VWA8: variants seen among roughly 807,000 people sequenced by gnomAD.
VWA8 encodes the protein von Willebrand factor A domain containing 8.
Under a neutral mutation model 241.5 loss-of-function variants are expected in VWA8, and 221 were observed. The observed-to-expected ratio is 0.91, with a 90% CI of 0.82 to 1.02. The LOEUF is 1.02. Ranked by LOEUF, VWA8 falls within the 50% of genes least tolerant of loss-of-function variation. The pLI, the probability that VWA8 is intolerant of heterozygous loss-of-function variation, is 0.00. For missense variants in VWA8, 2,322 were observed against 2,328.7 expected, an observed-to-expected ratio of 1.00 and a Z score of 0.06; for synonymous variants, 852 against 827.1, an observed-to-expected ratio of 1.03 and a Z score of -0.52.
chr13:41,641,463 C>A (rs2044794536), intron 37 of VWA8, among the ~76,000 whole-genome samples: 1 of 152,178 alleles, frequency 6.6e-6, no homozygotes, highest in East Asian at 1.9e-4. Flanking sequence ...ACTTTGAAAT[C>A]TCTTCAGAAA....
chr13:41,567,334 G>C lies in VWA8; in HGVS notation c.*863C>G, dbSNP rs1325046110. ...ATTTTACTTTTTTTACTTTGCTTTAGGTAATTTTTATATGAATATTCTCAA... is the reference window on the plus strand; with the variant it reads ...ATTTTACTTTTTTTACTTTGCTTTACGTAATTTTTATATGAATATTCTCAA... On this transcript the variant is annotated 3_prime_UTR_variant, in exon 45 of 45. Transcript: ENST00000379310. 1 of 152,004 alleles carries C rather than the reference G, an allele frequency of 6.6e-6. No homozygotes were observed. The highest frequency in any genetic ancestry group is 1.5e-5 in the Non-Finnish European group (1 of 67,990). 9.4% of individuals were successfully genotyped at this position (152,004 alleles called of 1,614,324 possible).
chr13:41,865,819 A>G lies in VWA8; in HGVS notation c.1348-6T>C, dbSNP rs1026285687. ...ATCACTGTTTTTCCACAACCCTACA[A>G]ATGGAAAAAATTATTCAAGAGGTAA... is the stretch of plus-strand genomic sequence containing the variant. On this transcript the variant is annotated splice_region_variant and splice_polypyrimidine_tract_variant and intron_variant, in intron 11 of 44. Coordinates refer to ENST00000379310, the MANE Select transcript of VWA8 (RefSeq NM_015058.2). The G allele has an allele frequency of 3.7e-6, 6 of 1,614,014 alleles. No homozygotes were observed. The African/African-American group carries it at 8.0e-5, about 22-fold the overall frequency.
At chr13:41,637,562 A>AT (rs1489184790) in intron 37 of VWA8, among the ~76,000 whole-genome samples, 1 of 151,896 alleles carries the variant, frequency 6.6e-6, no homozygotes, top group Non-Finnish European at 1.5e-5. Flanking sequence ...TTAAAGTATA[A>AT]TAAAAAAAAG....
In VWA8 at chr13:41,571,297, TCTCCCTCTCCCTC is replaced by T. The variant is rs1202432630; in HGVS notation, c.5371-604_5371-592del. Among the ~76,000 whole-genome samples, 350 of 140,238 alleles carry T rather than the reference TCTCCCTCTCCCTC, an allele frequency of 2.5e-3. 2 individuals are homozygous for T. The highest frequency in any genetic ancestry group is 4.4e-3 in the Non-Finnish European group (283 of 64,724). 92.0% of individuals were successfully genotyped at this position (140,238 alleles called of 152,430 possible). A position where few individuals can be genotyped will look rare whatever the true frequency, so the allele number is the denominator to read the frequency against. Reference sequence around the variant, plus strand: ...GTCCCTCTCCCGTCTCCCTCTCCCGTCTCCCTCTCCCTCCTCCCTCTCCCTCTCCCGTCTCCCT... The same window carrying T: ...GTCCCTCTCCCGTCTCCCTCTCCCGTCTCCCTCTCCCTCTCCCGTCTCCCT... On this transcript the variant is annotated intron_variant, in intron 43 of 44. Transcript: ENST00000379310.
At chr13:41,929,420 T>G (rs911128610) in intron 2 of VWA8, among the ~76,000 whole-genome samples, 3 of 152,184 alleles carry the variant, frequency 2.0e-5, no homozygotes, top group Non-Finnish European at 4.4e-5. Context: ...CCCAAGGTAC[T>G]GGGATTACAG....
chr13:41,928,891 C>CAG (rs1369124068), intron 2 of VWA8, among the ~76,000 whole-genome samples: 11 of 150,232 alleles, frequency 7.3e-5, no homozygotes, highest in African/African-American at 2.7e-4. Context: ...GACATTACAA[C>CAG]AGATGCCTCA....
intron 26 of VWA8, among the ~76,000 whole-genome samples, chr13:41,709,874 T>C (rs903401013): frequency 6.6e-6 from 1 of 151,822 alleles, no homozygotes; most frequent in African/African-American, 2.4e-5. Context: ...CTTGAACTTA[T>C]GGGCTCAAGG....
intron 43 of VWA8, among the ~76,000 whole-genome samples, chr13:41,573,527 G>GTATATATA (rs71086586): frequency 7.4e-6 from 1 of 134,306 alleles, no homozygotes; most frequent in African/African-American, 3.0e-5. Context: ...ATATATACGT[G>GTATATATA]TATATATATA....
intron 43 of VWA8, among the ~76,000 whole-genome samples, chr13:41,574,551 T>C (rs2044338949): frequency 6.6e-6 from 1 of 152,164 alleles, no homozygotes; most frequent in African/African-American, 2.4e-5. Context: ...TCATTATTTT[T>C]CAAAGAACTA....
At chr13:41,796,701 G>T (rs1593778351) in intron 17 of VWA8, among the ~76,000 whole-genome samples, 1 of 150,522 alleles carries the variant, frequency 6.6e-6, no homozygotes. Flanking sequence ...TTTGGGTTTA[G>T]TCTGTAACTT....
chr13:41,846,647 C>T (rs1872302382), intron 12 of VWA8, among the ~76,000 whole-genome samples: 1 of 152,066 alleles, frequency 6.6e-6, no homozygotes, highest in Admixed American at 6.5e-5. Context: ...AATTAAATGA[C>T]AGAAAATTCC....
At chr13:41,750,150 T>C (rs2045644450) in intron 21 of VWA8, among the ~76,000 whole-genome samples, 1 of 151,964 alleles carries the variant, frequency 6.6e-6, no homozygotes, top group South Asian at 2.1e-4. Context: ...ATTAAGAACA[T>C]TTGGCTTGGC....
chr13:41,711,657 G>T (rs900820206), intron 26 of VWA8, among the ~76,000 whole-genome samples: 1 of 152,112 alleles, frequency 6.6e-6, no homozygotes, highest in Admixed American at 6.6e-5. Flanking sequence ...GGCAGATCAC[G>T]AGGTCAGGAG....
intron 1 of VWA8, among the ~76,000 whole-genome samples, chr13:41,958,790 T>C (rs942542980): frequency 4.6e-5 from 7 of 152,234 alleles, no homozygotes; most frequent in Non-Finnish European, 5.9e-5. Context: ...AGTAAATGAC[T>C]GATTTAAAGA....
chr13:41,945,787 A>G (rs1877822713), intron 2 of VWA8, among the ~76,000 whole-genome samples: 1 of 152,166 alleles, frequency 6.6e-6, no homozygotes, highest in Admixed American at 6.5e-5. Context: ...GGCACCATCA[A>G]ATCTATCAAA....
intron 37 of VWA8, among the ~76,000 whole-genome samples, chr13:41,663,160 G>A (rs1400608824): frequency 6.6e-6 from 1 of 152,032 alleles, no homozygotes; most frequent in Non-Finnish European, 1.5e-5. Context: ...ACTGTATTCA[G>A]AACTGGAATC....
At chr13:41,569,014 G>A (rs541335195) in intron 44 of VWA8, among the ~76,000 whole-genome samples, 1 of 152,186 alleles carries the variant, frequency 6.6e-6, no homozygotes, top group East Asian at 1.9e-4. Flanking sequence ...GGAACAAAAG[G>A]CCATTTTGAA....
intron 4 of VWA8, among the ~76,000 whole-genome samples, chr13:41,901,492 C>T (rs964871810): frequency 3.9e-5 from 6 of 152,162 alleles, no homozygotes; most frequent in Non-Finnish European, 7.4e-5. Context: ...CCTAGCACAA[C>T]GTAGGTCTCC....
intron 2 of VWA8, among the ~76,000 whole-genome samples, chr13:41,919,163 G>T (rs1876395667): frequency 6.6e-6 from 1 of 152,166 alleles, no homozygotes. Flanking sequence ...AGAAACCCAG[G>T]ATGGCCACAT....
Sources: gnomAD v4.1 joint callset for allele counts (sites outside exome capture counted in the v4.1 genomes callset) on GRCh38, gnomAD v4.1.1 for gene constraint, MANE v1.5 for transcripts, NCBI Gene and HGNC (gene_info 2026-07-23, HGNC 2026-07-21) for gene names.